MACROD2: variants seen among roughly 807,000 people sequenced by gnomAD.
MACROD2 encodes mono-ADP ribosylhydrolase 2.
A neutral mutation model predicts 70.4 loss-of-function variants in MACROD2; 36 were observed. The ratio of observed to expected loss-of-function variants is 0.51; its 90% confidence interval spans 0.39 to 0.68. MACROD2 has a LOEUF of 0.68. Among genes scored for constraint, MACROD2 ranks in the 30% least tolerant of loss-of-function variants. The pLI is 0.00. For missense variants in MACROD2, 496 were observed against 538.4 expected (o/e 0.92, Z 0.78); for synonymous variants, 172 against 178.8 (o/e 0.96, Z 0.30).
chr20:14,034,006 C>G (rs2053277511), intron 2 of MACROD2, among the ~76,000 whole-genome samples: 1 of 151,554 alleles, frequency 6.6e-6, no homozygotes, highest in Non-Finnish European at 1.5e-5. Flanking sequence ...GAGTCTCGCT[C>G]TGTCGCCCAG....
Position 16,042,871 on chromosome 20 carries a change from G to T in MACROD2, c.1231+1593G>T, listed in dbSNP as rs937985534. Among the ~76,000 whole-genome samples the T allele has an allele frequency of 1.3e-5, 2 of 152,014 alleles. 1 individual carries two copies. The highest frequency in any genetic ancestry group is 3.9e-4 in the East Asian group (2 of 5,168). On this transcript the variant is annotated intron_variant, in intron 16 of 17. Transcript: ENST00000684519. ...ACCTGCTTTTAAAACCTTCCTTATTGGGAGAGAGTTCAGTGGATGCCATAT... is the reference window on the plus strand; with the variant it reads ...ACCTGCTTTTAAAACCTTCCTTATTTGGAGAGAGTTCAGTGGATGCCATAT...
rs145816253 is a variant in MACROD2, at chr20:15,885,870, T to C, written c.775+59T>C. 424 of 1,431,900 alleles carry C rather than the reference T, an allele frequency of 3.0e-4. 1 individual carries two copies. The African/African-American group carries it at 5.8e-3, about 20-fold the overall frequency. 88.7% of individuals were successfully genotyped at this position (1,431,900 alleles called of 1,614,324 possible). A position where few individuals can be genotyped will look rare whatever the true frequency, so the allele number is the denominator to read the frequency against. Reference sequence around the variant, plus strand: ...GGTAGGGGTCATTTTGTTGTTTATGTACACTTCATATTTTTTCAACGAAAG... The same window carrying C: ...GGTAGGGGTCATTTTGTTGTTTATGCACACTTCATATTTTTTCAACGAAAG... On this transcript the variant is annotated intron_variant, in intron 10 of 17. Transcript: ENST00000684519.
rs2081290562 is a variant in MACROD2, at chr20:14,179,583, C to A, written c.271+93855C>A. On this transcript the variant is annotated intron_variant, in intron 3 of 17. Coordinates refer to ENST00000684519, the MANE Select transcript of MACROD2 (RefSeq NM_001351661.2). ...AATATTTGTTTGATTACATTAGAAA[C>A]ACAAAGATGAGTAAGAAATCATTTT... Among the ~76,000 whole-genome samples the A allele has an allele frequency of 2.0e-5, 3 of 152,142 alleles. No homozygotes were observed. In the South Asian group the frequency reaches 6.2e-4, roughly 32 times the overall value.
At chr20:15,451,829 G>C (rs1260166526) in intron 7 of MACROD2, among the ~76,000 whole-genome samples, 1 of 152,130 alleles carries the variant, frequency 6.6e-6, no homozygotes, top group Non-Finnish European at 1.5e-5. Flanking sequence ...GGACTTGGTG[G>C]ATCCAGTAAG....
intron 8 of MACROD2, among the ~76,000 whole-genome samples, chr20:15,821,956 G>T (rs376326843): frequency 5.3e-4 from 80 of 152,216 alleles, no homozygotes; most frequent in African/African-American, 1.6e-3. Flanking sequence ...GTAATGTCAG[G>T]ACTTGAACTG....
intron 8 of MACROD2, among the ~76,000 whole-genome samples, chr20:15,804,348 A>G (rs2063751019): frequency 6.6e-6 from 1 of 152,192 alleles, no homozygotes; most frequent in Non-Finnish European, 1.5e-5. Flanking sequence ...CTTTGTTTTA[A>G]AGGCACCTAA....
chr20:15,563,917 C>T (rs1259390270), intron 8 of MACROD2, among the ~76,000 whole-genome samples: 2 of 152,150 alleles, frequency 1.3e-5, no homozygotes, highest in Admixed American at 1.3e-4. Context: ...CAAAGGATAG[C>T]ATTTTTCTTT....
intron 6 of MACROD2, among the ~76,000 whole-genome samples, chr20:15,239,181 C>G (rs968868398): frequency 1.6e-5 from 2 of 126,752 alleles, no homozygotes; most frequent in African/African-American, 6.3e-5. Flanking sequence ...TGCAAATGTT[C>G]AGATTTTTTT....
At chr20:14,051,116 C>T (rs2053561259) in intron 2 of MACROD2, among the ~76,000 whole-genome samples, 1 of 152,064 alleles carries the variant, frequency 6.6e-6, no homozygotes, top group South Asian at 2.1e-4. Flanking sequence ...TGGTTAAAAT[C>T]TATATGCATG....
intron 6 of MACROD2, among the ~76,000 whole-genome samples, chr20:15,357,893 G>A (rs911291689): frequency 1.4e-4 from 21 of 148,124 alleles, no homozygotes; most frequent in African/African-American, 4.2e-4. Context: ...TGCAAGCTCC[G>A]CCTCCCGGGT....
intron 5 of MACROD2, among the ~76,000 whole-genome samples, chr20:15,200,738 T>C (rs1249729274): frequency 6.6e-6 from 1 of 152,202 alleles, no homozygotes; most frequent in Non-Finnish European, 1.5e-5. Context: ...TTGTTTAAGT[T>C]ACAGATACAA....
At chr20:14,194,556 T>C (rs2081414742) in intron 3 of MACROD2, among the ~76,000 whole-genome samples, 2 of 152,150 alleles carry the variant, frequency 1.3e-5, no homozygotes, top group South Asian at 2.1e-4. Context: ...GCTCAAATTG[T>C]GGCTAACAGT....
intron 3 of MACROD2, among the ~76,000 whole-genome samples, chr20:14,348,706 G>A (rs904488365): frequency 6.6e-5 from 10 of 152,026 alleles, no homozygotes; most frequent in African/African-American, 2.4e-4. Context: ...AAAAATAAAT[G>A]AATATTTATG....
chr20:14,492,122 G>C, intron 3 of MACROD2, among the ~76,000 whole-genome samples: 1 of 152,180 alleles, frequency 6.6e-6, no homozygotes, highest in East Asian at 1.9e-4. Context: ...TTCAGGGCAG[G>C]ACCTTAAGTT....
At chr20:14,407,188 G>T (rs994349780) in intron 3 of MACROD2, among the ~76,000 whole-genome samples, 2 of 150,498 alleles carry the variant, frequency 1.3e-5, no homozygotes, top group African/African-American at 4.9e-5. Flanking sequence ...TTCATTTAAA[G>T]TCTTTCTTAC....
intron 5 of MACROD2, among the ~76,000 whole-genome samples, chr20:15,106,684 A>G (rs7272732): frequency 0.076 from 11,523 of 152,180 alleles, 501 homozygotes; most frequent in Middle Eastern, 0.16. Flanking sequence ...TTGAGTTTGC[A>G]TTGTTGATAT....
chr20:14,877,294 G>A (rs1213410341), intron 5 of MACROD2, among the ~76,000 whole-genome samples: 1 of 152,098 alleles, frequency 6.6e-6, no homozygotes, highest in East Asian at 1.9e-4. Flanking sequence ...TGATTTTTGT[G>A]CATTGATTTT....
At chr20:15,954,807 A>T (rs986700371) in intron 12 of MACROD2, among the ~76,000 whole-genome samples, 3 of 152,214 alleles carry the variant, frequency 2.0e-5, no homozygotes, top group Non-Finnish European at 4.4e-5. Context: ...GCTAATATTT[A>T]TCAAATCCTT....
intron 5 of MACROD2, among the ~76,000 whole-genome samples, chr20:14,981,448 ATATATGTG>A (rs1051518018): frequency 1.3e-4 from 8 of 63,656 alleles, no homozygotes; most frequent in East Asian, 1.4e-3. Context: ...ATATATATAT[ATATATGTG>A]TGTGTGTGTC....
Sources: gnomAD v4.1 joint callset for allele counts (sites outside exome capture counted in the v4.1 genomes callset) on GRCh38, gnomAD v4.1.1 for gene constraint, MANE v1.5 for transcripts, NCBI Gene and HGNC (gene_info 2026-07-23, HGNC 2026-07-21) for gene names.